The following CTNNA3 variants were observed in gnomAD, a reference collection of about 807,000 sequenced individuals.
The protein encoded by CTNNA3 is catenin alpha-3.
In CTNNA3, 76 loss-of-function variants were observed where a neutral mutation model predicts 95.7. The ratio of observed to expected loss-of-function variants is 0.79; its 90% CI spans 0.66 to 0.96. The LOEUF (loss-of-function observed/expected upper bound fraction) is 0.96, where lower values mean the gene tolerates loss of function less well. Among genes scored for constraint, CTNNA3 ranks in the 40% least tolerant of loss-of-function variants. The pLI is 0.00. For synonymous variants in CTNNA3, 431 were observed against 374.4 expected, an observed-to-expected ratio of 1.15 and a Z score of -1.74; for missense variants, 1,191 against 1,089.8, an observed-to-expected ratio of 1.09 and a Z score of -1.31.
intron 1 of CTNNA3, among the ~76,000 whole-genome samples, chr10:67,654,153 C>G (rs1839955615): frequency 6.6e-6 from 1 of 152,202 alleles, no homozygotes; most frequent in South Asian, 2.1e-4. Flanking sequence ...TGAGCTCCAC[C>G]TCCACCACCT....
intron 9 of CTNNA3, among the ~76,000 whole-genome samples, chr10:66,740,699 C>T (rs1849299677): frequency 6.6e-6 from 1 of 152,160 alleles, no homozygotes. Context: ...AATTGACTTG[C>T]CTCTCTTTCT....
intron 7 of CTNNA3, among the ~76,000 whole-genome samples, chr10:66,860,027 GA>G (rs1843851192): frequency 1.0e-5 from 1 of 98,594 alleles, no homozygotes; most frequent in Non-Finnish European, 2.0e-5. Flanking sequence ...GGGGTGGGGG[GA>G]GGGGGGAGGG....
chr10:66,802,537 T>A (rs1186056768), intron 7 of CTNNA3, among the ~76,000 whole-genome samples: 1 of 151,878 alleles, frequency 6.6e-6, no homozygotes, highest in Non-Finnish European at 1.5e-5. Context: ...CTTACATTGC[T>A]GGTGGGAGTG....
intron 5 of CTNNA3, among the ~76,000 whole-genome samples, chr10:67,469,357 C>T (rs1266690487): frequency 6.6e-6 from 1 of 152,004 alleles, no homozygotes; most frequent in Non-Finnish European, 1.5e-5. Flanking sequence ...AAGTTGAAAT[C>T]AATTTAATCC....
At chr10:67,427,773 C>A (rs1302155505) in intron 5 of CTNNA3, among the ~76,000 whole-genome samples, 1 of 151,972 alleles carries the variant, frequency 6.6e-6, no homozygotes, top group Non-Finnish European at 1.5e-5. Context: ...AGCTTTGACA[C>A]CACCTGTTGA....
chr10:65,988,672 T>G lies in CTNNA3; in HGVS notation c.2265+20A>C, dbSNP rs2078476507. 1 of 1,586,598 alleles carries G rather than the reference T, an allele frequency of 6.3e-7. No individual in the cohort carries two copies. The highest frequency in any genetic ancestry group is 8.7e-7 in the Non-Finnish European group (1 of 1,155,600). On this transcript the variant is annotated intron_variant, in intron 16 of 17. Coordinates refer to ENST00000433211, the MANE Select transcript of CTNNA3 (RefSeq NM_013266.4). The stretch of plus-strand genomic sequence containing the variant: ...GCAATTAGCATGAACTTTTATGATG[T>G]CCACTTGTAAGTAACTCACCTGATT...
At chr10:66,984,912 G>A (rs965299786) in intron 7 of CTNNA3, among the ~76,000 whole-genome samples, 2 of 151,356 alleles carry the variant, frequency 1.3e-5, no homozygotes, top group Non-Finnish European at 2.9e-5. Flanking sequence ...TTTTGTTTAA[G>A]TACAATAAGA....
intron 5 of CTNNA3, among the ~76,000 whole-genome samples, chr10:67,505,604 C>T (rs909549611): frequency 6.6e-6 from 1 of 152,182 alleles, no homozygotes; most frequent in Admixed American, 6.5e-5. Flanking sequence ...GTAACTTAAA[C>T]TTCAAAGCAC....
intron 1 of CTNNA3, among the ~76,000 whole-genome samples, chr10:67,751,744 C>T (rs935891144): frequency 1.3e-5 from 2 of 151,040 alleles, no homozygotes; most frequent in African/African-American, 4.9e-5. Flanking sequence ...AGGACACATA[C>T]ATCATCTCAA....
chr10:66,097,293 C>A (rs1029989948), intron 14 of CTNNA3, among the ~76,000 whole-genome samples: 1 of 152,086 alleles, frequency 6.6e-6, no homozygotes, highest in South Asian at 2.1e-4. Flanking sequence ...ATTTACAAAG[C>A]TCCCTGAGCT....
intron 5 of CTNNA3, among the ~76,000 whole-genome samples, chr10:67,262,905 T>G (rs1480135977): frequency 6.6e-6 from 1 of 152,134 alleles, no homozygotes; most frequent in African/African-American, 2.4e-5. Flanking sequence ...CATTCTGAAA[T>G]GACAGACTCC....
At chr10:67,726,311 T>A (rs1399820886) in intron 1 of CTNNA3, among the ~76,000 whole-genome samples, 1 of 92,950 alleles carries the variant, frequency 1.1e-5, no homozygotes, top group East Asian at 3.3e-4. Context: ...TTATCTTACA[T>A]ATTATATATA....
chr10:66,143,327 G>T (rs1268700037), intron 13 of CTNNA3, among the ~76,000 whole-genome samples: 1 of 152,064 alleles, frequency 6.6e-6, no homozygotes, highest in Non-Finnish European at 1.5e-5. Context: ...TTAAAATCAG[G>T]TTTTTAAAAA....
chr10:65,995,369 T>C (rs1310556620), intron 15 of CTNNA3, among the ~76,000 whole-genome samples: 1 of 152,226 alleles, frequency 6.6e-6, no homozygotes, highest in Non-Finnish European at 1.5e-5. Context: ...AGTTTGATTC[T>C]GGGTGCATGC....
intron 3 of CTNNA3, among the ~76,000 whole-genome samples, chr10:67,597,396 C>T (rs936992045): frequency 6.6e-6 from 1 of 152,154 alleles, no homozygotes; most frequent in Non-Finnish European, 1.5e-5. Flanking sequence ...GTTGATGTTC[C>T]CTTAAATCTT....
intron 7 of CTNNA3, among the ~76,000 whole-genome samples, chr10:66,864,189 A>G (rs1305374336): frequency 6.6e-6 from 1 of 152,188 alleles, no homozygotes; most frequent in Non-Finnish European, 1.5e-5. Flanking sequence ...TTAATGTCCA[A>G]TGCAACAGTG....
intron 12 of CTNNA3, among the ~76,000 whole-genome samples, chr10:66,362,153 A>C (rs1589142031): frequency 8.0e-6 from 1 of 125,584 alleles, no homozygotes; most frequent in South Asian, 2.6e-4. Context: ...ACCAGGCTGG[A>C]GTGCAGTTGT....
At chr10:67,576,522 C>T (rs1842151155) in intron 3 of CTNNA3, among the ~76,000 whole-genome samples, 1 of 151,248 alleles carries the variant, frequency 6.6e-6, no homozygotes, top group Non-Finnish European at 1.5e-5. Context: ...TAAGAGTGTT[C>T]TCTTGCATTC....
chr10:66,695,907 AGAGACGTAAGGGGGGGG>A (rs897703991), intron 9 of CTNNA3, among the ~76,000 whole-genome samples: 2 of 74,418 alleles, frequency 2.7e-5, no homozygotes, highest in African/African-American at 1.1e-4. Flanking sequence ...ATTGGGTGAA[AGAGACGTAAGGGGGGGG>A]GGCAATAAAA....
Sources: allele counts gnomAD v4.1 joint callset (sites outside exome capture counted in the v4.1 genomes callset), GRCh38; gene constraint gnomAD v4.1.1; transcripts MANE v1.5; gene names NCBI Gene and HGNC (gene_info 2026-07-23, HGNC 2026-07-21).